Variants in LIN28B observed in about 807,000 individuals in gnomAD.
The protein encoded by LIN28B is lin-28 RNA binding posttranscriptional regulator B.
In LIN28B, 5 loss-of-function variants were observed where a neutral mutation model predicts 21.9. The observed-to-expected ratio is 0.23, with a 90% CI of 0.12 to 0.48. The LOEUF is 0.48. Among genes scored for constraint, LIN28B ranks in the 20% least tolerant of loss-of-function variants. The pLI is 0.98. For synonymous variants in LIN28B, 109 were observed against 111.3 expected, an observed-to-expected ratio of 0.98 and a Z score of 0.13; for missense variants, 245 against 310.5, an observed-to-expected ratio of 0.79 and a Z score of 1.58.
At chr6:105,015,825 A>T (rs957642820) in intron 2 of LIN28B, among the ~76,000 whole-genome samples, 15 of 152,194 alleles carry the variant, frequency 9.9e-5, no homozygotes, top group Non-Finnish European at 2.2e-4. Flanking sequence ...GCTACAGTAC[A>T]TAAGTAAATA....
chr6:105,072,806 T>TA (rs1248590189), intron 3 of LIN28B, among the ~76,000 whole-genome samples: 1 of 152,222 alleles, frequency 6.6e-6, no homozygotes, highest in East Asian at 1.9e-4. Context: ...TATAGGTTGA[T>TA]AGAGGTCAGA....
intron 2 of LIN28B, among the ~76,000 whole-genome samples, chr6:104,985,263 A>G (rs531728117): frequency 6.6e-6 from 1 of 152,386 alleles, no homozygotes; most frequent in African/African-American, 2.4e-5. Context: ...AAGCATTCAT[A>G]GGAAAATTAA....
At chr6:104,970,371 C>G (rs1270826594) in intron 2 of LIN28B, among the ~76,000 whole-genome samples, 1 of 152,144 alleles carries the variant, frequency 6.6e-6, no homozygotes, top group African/African-American at 2.4e-5. Flanking sequence ...GGAAAGAAAA[C>G]TTTCTCTTTT....
At chr6:105,043,019 C>T (rs1719075868) in intron 3 of LIN28B, among the ~76,000 whole-genome samples, 1 of 152,116 alleles carries the variant, frequency 6.6e-6, no homozygotes, top group Non-Finnish European at 1.5e-5. Flanking sequence ...AAGGAAAGAA[C>T]CTCTGAACTG....
chr6:104,993,015 C>T (rs78935092), intron 2 of LIN28B, among the ~76,000 whole-genome samples: 119 of 152,166 alleles, frequency 7.8e-4, no homozygotes, highest in African/African-American at 2.7e-3. Context: ...ATTTATCAAC[C>T]TTCATACATG....
chr6:105,036,115 C>G (rs1771516236), intron 3 of LIN28B, among the ~76,000 whole-genome samples: 1 of 152,036 alleles, frequency 6.6e-6, no homozygotes, highest in Non-Finnish European at 1.5e-5. Context: ...TACTTGTATG[C>G]TTTTTTTCAT....
intron 3 of LIN28B, among the ~76,000 whole-genome samples, chr6:105,057,594 T>G (rs1443788607): frequency 6.6e-6 from 1 of 152,240 alleles, no homozygotes; most frequent in East Asian, 1.9e-4. Flanking sequence ...TCTTCTTTCA[T>G]TTCTTTTACT....
intron 2 of LIN28B, among the ~76,000 whole-genome samples, chr6:105,025,649 G>T (rs1289272930): frequency 2.0e-5 from 3 of 152,096 alleles, no homozygotes; most frequent in Admixed American, 2.0e-4. Context: ...GCTGGACTCT[G>T]CATGTGCCTG....
chr6:104,979,176 A>G (rs573164666), intron 2 of LIN28B, among the ~76,000 whole-genome samples: 1 of 152,010 alleles, frequency 6.6e-6, no homozygotes, highest in East Asian at 1.9e-4. Context: ...TTGGAGAAAA[A>G]GAATATAAAG....
At chr6:104,958,598 T>C (rs1156482780) in intron 2 of LIN28B, among the ~76,000 whole-genome samples, 1 of 152,214 alleles carries the variant, frequency 6.6e-6, no homozygotes, top group African/African-American at 2.4e-5. Flanking sequence ...TACAATATAC[T>C]TTGTCGCCTG....
intron 2 of LIN28B, among the ~76,000 whole-genome samples, chr6:104,987,684 G>C (rs945792778): frequency 6.6e-6 from 1 of 151,960 alleles, no homozygotes; most frequent in Non-Finnish European, 1.5e-5. Flanking sequence ...AAATTGATCT[G>C]TGTATACAGT....
At chr6:105,011,847 C>T (rs1770930691) in intron 2 of LIN28B, among the ~76,000 whole-genome samples, 1 of 150,808 alleles carries the variant, frequency 6.6e-6, no homozygotes, top group Admixed American at 6.6e-5. Context: ...TCCGTCTCTC[C>T]AAAAAAATAA....
intron 3 of LIN28B, among the ~76,000 whole-genome samples, chr6:105,047,430 A>G (rs1482455715): frequency 6.6e-6 from 1 of 152,140 alleles, no homozygotes; most frequent in East Asian, 1.9e-4. Context: ...GCCTTGTAGT[A>G]TAGTTTGAAG....
At chr6:105,044,920 T>G (rs1026091273) in intron 3 of LIN28B, among the ~76,000 whole-genome samples, 3 of 152,146 alleles carry the variant, frequency 2.0e-5, no homozygotes, top group Non-Finnish European at 4.4e-5. Flanking sequence ...TAATCTCAGC[T>G]ACTTGGCAAG....
chr6:104,940,035 G>A (rs1454716762), intron 2 of LIN28B: 3 of 155,056 alleles, frequency 1.9e-5, no homozygotes, highest in Non-Finnish European at 4.4e-5. Context: ...GGCTCTTTGA[G>A]TGATGATGAT....
intron 2 of LIN28B, among the ~76,000 whole-genome samples, chr6:104,960,136 A>G (rs1349084926): frequency 6.6e-6 from 1 of 152,284 alleles, no homozygotes; most frequent in East Asian, 1.9e-4. Context: ...TCAGTTACAT[A>G]CAGTAGTATA....
chr6:104,946,722 G>A lies in LIN28B; in HGVS notation c.19-3739G>A, dbSNP rs923481753. Among the ~76,000 whole-genome samples, 4 of 152,080 alleles carry A rather than the reference G, an allele frequency of 2.6e-5. No individual in the cohort carries two copies. The East Asian group carries it at 7.7e-4, about 29-fold the overall frequency. The stretch of plus-strand genomic sequence containing the variant: ...TTGCTAGGAAAGAAAAATGTGTGTT[G>A]CTTTCCAAAGAATGTAGTTCAGTGA... On this transcript the variant is annotated intron_variant, in intron 2 of 5. Coordinates refer to the LIN28B transcript ENST00000635857.
At chr6:105,075,661 C>A (rs1055556473) in intron 3 of LIN28B, among the ~76,000 whole-genome samples, 6 of 152,102 alleles carry the variant, frequency 3.9e-5, no homozygotes, top group Non-Finnish European at 7.4e-5. Context: ...TTAAAAATAA[C>A]TTTTATAGCC....
At chr6:104,950,436 A>G (rs1367450557) in intron 2 of LIN28B, 26 of 1,200,912 alleles carry the variant, frequency 2.2e-5, no homozygotes, top group Non-Finnish European at 2.6e-5. Flanking sequence ...TTAATGTAGT[A>G]CTGACTTGAG....
Sources: allele counts gnomAD v4.1 joint callset (sites outside exome capture counted in the v4.1 genomes callset), GRCh38; gene constraint gnomAD v4.1.1; transcripts MANE v1.5; gene names NCBI Gene and HGNC (gene_info 2026-07-23, HGNC 2026-07-21).